Variants in LARP7 observed in about 807,000 individuals in gnomAD.
LARP7 encodes La ribonucleoprotein 7, transcriptional regulator.
In LARP7, 52 loss-of-function variants were observed where a neutral mutation model predicts 69.3. The ratio of observed to expected loss-of-function variants is 0.75; its 90% CI spans 0.60 to 0.95. The LOEUF (loss-of-function observed/expected upper bound fraction) is 0.95. Among genes scored for constraint, LARP7 ranks in the 40% least tolerant of loss-of-function variants. The pLI is 0.00. For missense variants in LARP7, 733 were observed against 673.0 expected (o/e 1.09, Z -0.99); for synonymous variants, 254 against 215.9 (o/e 1.18, Z -1.55).
At chr4:112,654,009 A>G in intron 11 of LARP7, 59 bp from the exon 12 acceptor site, 1 of 1,224,640 alleles carries the variant, frequency 8.2e-7, no homozygotes, top group Non-Finnish European at 1.2e-6. Context: ...AATGCCTTGA[A>G]TATGGTTTTT....
At chr4:112,648,851 CTTTT>C in intron 8 of LARP7, 2 of 148,950 alleles carry the variant, frequency 1.3e-5, no homozygotes, top group South Asian at 3.2e-4. Flanking sequence ...GGTCTGGATC[CTTTT>C]TTTTTTTTTT....
chr4:112,639,074 T>C (rs2047846778), intron 1 of LARP7, among the ~76,000 whole-genome samples: 1 of 152,154 alleles, frequency 6.6e-6, no homozygotes, highest in Non-Finnish European at 1.5e-5. Context: ...CACTTAAACC[T>C]TTTTGAGTTT....
At chr4:112,650,371 T>C (rs2048666718) in intron 9 of LARP7, 90 bp from the exon 10 acceptor site, 7 of 1,252,224 alleles carry the variant, frequency 5.6e-6, no homozygotes, top group Non-Finnish European at 7.8e-6. Flanking sequence ...TAAATCTGCC[T>C]CAGGAATTAT....
At chr4:112,644,366 T>G (rs2048081407) in intron 1 of LARP7, 1 of 522,158 alleles carries the variant, frequency 1.9e-6, no homozygotes, top group Admixed American at 4.5e-5. Context: ...CACTTTTCAC[T>G]TACTGACTTA....
At chr4:112,652,939 A>G in intron 10 of LARP7, 138 bp from the exon 11 acceptor site, 1 of 469,160 alleles carries the variant, frequency 2.1e-6, no homozygotes, top group East Asian at 3.5e-5. Context: ...GAAATATTTG[A>G]TACAGGATAT....
chr4:112,653,207 AAC>A lies in LARP7; in HGVS notation c.1550_1551del (p.His517LeufsTer10). On this transcript the variant is annotated frameshift_variant, in exon 11 of 13. Coordinates refer to ENST00000344442, the MANE Select transcript of LARP7 (RefSeq NM_016648.4). LOFTEE classifies it high-confidence loss of function. The stretch of plus-strand genomic sequence containing the variant: ...AATGCCTATACAGAAATTAACAAGA[AAC>A]ACTGCTGGAAACTCGAGATCCTTTC... 6.3e-7 allele frequency: 1 copy of A among 1,593,014 alleles called. No homozygotes were observed. Among genetic ancestry groups the A allele is most frequent in the Non-Finnish European group, 8.5e-7 (1 of 1,173,372 alleles).
Position 112,654,076 on chromosome 4 carries a change from G to C in LARP7, c.1585G>C (p.Glu529Gln). ...WKLEILSGDH[E>Q]QRYWQKILVD... ...CTTTGTTTGTTTTTAAGGTGATCAC[G>C]AACAAAGGTATTGGCAGAAGATTTT... The change falls in exon 12 of 13, where the codon GAA becomes CAA. Residue 529 changes from glutamate to glutamine, a missense_variant. By Grantham distance (29) the Glu-to-Gln change is conservative (BLOSUM62 2). Transcript: ENST00000344442. 6.2e-7 allele frequency: 1 copy of C among 1,612,526 alleles called. No homozygotes were observed. The highest frequency in any genetic ancestry group is 2.2e-5 in the East Asian group (1 of 44,794).
In LARP7 at chr4:112,647,466, C is replaced by G. The variant is rs1171760413; in HGVS notation, c.914C>G (p.Ser305Cys). Reference protein sequence around the residue: ...RKRSSSEDAESLAPRSKVKKI... With the variant: ...RKRSSSEDAECLAPRSKVKKI... Reference sequence around the variant, plus strand: ...AGAAGCAGCTCTGAAGATGCAGAATCCCTAGCTCCCCGATCAAAAGTAAAG... The same window carrying G: ...AGAAGCAGCTCTGAAGATGCAGAATGCCTAGCTCCCCGATCAAAAGTAAAG... Residue 305 changes from serine (S) to cysteine (C), a missense_variant, in exon 7 of 13, where the codon TCC becomes TGC. Coordinates refer to ENST00000344442, the MANE Select transcript of LARP7 (RefSeq NM_016648.4). 6.2e-7 allele frequency: 1 copy of G among 1,613,854 alleles called. No individual in the cohort carries two copies.
At chr4:112,650,675 C>A in intron 10 of LARP7, 93 bp downstream of exon 10, 1 of 1,322,654 alleles carries the variant, frequency 7.6e-7, no homozygotes, top group Non-Finnish European at 1.0e-6. Context: ...TAAAACAAAT[C>A]AAGTTAGAAT....
chr4:112,644,059 G>A lies in LARP7; in HGVS notation c.-2-609G>A, dbSNP rs371107697. 3.6e-4 allele frequency among the ~76,000 whole-genome samples: 54 copies of A among 151,754 alleles called. 1 individual carries two copies. The East Asian group carries it at 9.9e-3, about 28-fold the overall frequency. On this transcript the variant is annotated intron_variant, in intron 1 of 12. Transcript: ENST00000344442. Reference sequence around the variant, plus strand: ...AATTCAAGACAAACCTGGCAAACATGGTGAAACCCCGTCTCCTACTACAAA... The same window carrying A: ...AATTCAAGACAAACCTGGCAAACATAGTGAAACCCCGTCTCCTACTACAAA...
At chr4:112,650,168 A>C (rs2048653997) in intron 9 of LARP7, 1 of 228,172 alleles carries the variant, frequency 4.4e-6, no homozygotes, top group South Asian at 1.3e-4. Context: ...AACTTTATTG[A>C]GTAAAAATTT....
Position 112,647,476 on chromosome 4 carries a change from C to G in LARP7, c.924C>G (p.Pro308=), listed in dbSNP as rs1333988564. 6.2e-7 allele frequency: 1 copy of G among 1,613,396 alleles called. No individual in the cohort carries two copies. Among genetic ancestry groups the G allele is most frequent in the Non-Finnish European group, 8.5e-7 (1 of 1,179,786 alleles). Residue 308 remains proline, a synonymous_variant, in exon 7 of 13, where the codon CCC becomes CCG. Coordinates refer to ENST00000344442, the MANE Select transcript of LARP7 (RefSeq NM_016648.4). The stretch of plus-strand genomic sequence containing the variant: ...CTGAAGATGCAGAATCCCTAGCTCC[C>G]CGATCAAAAGTAAAGAAAATTATTC... ...SSSEDAESLA[P]RSKVKKIIQK...
chr4:112,640,082 G>A (rs2047902078), intron 1 of LARP7, among the ~76,000 whole-genome samples: 1 of 152,066 alleles, frequency 6.6e-6, no homozygotes, highest in South Asian at 2.1e-4. Flanking sequence ...GGCATTACAG[G>A]CATGGGCCAC....
rs569898184 is a variant in LARP7, at chr4:112,646,474, G to GT, written c.303+26dup. On this transcript the variant is annotated intron_variant, in intron 3 of 12. Transcript: ENST00000344442. ...GAGGTAAGAATCAAGAATAACTACT[G>GT]TTTATATTTATAGTTTATAATTATA... is the stretch of plus-strand genomic sequence containing the variant. 461 of 1,402,388 alleles carry GT rather than the reference G, an allele frequency of 3.3e-4. 1 individual carries two copies. In the East Asian group the frequency reaches 9.9e-3, roughly 30 times the overall value. The allele number at this position is 1,402,388 out of a possible 1,614,324, so 86.9% of individuals were successfully genotyped here.
chr4:112,637,777 G>T (rs943669181), intron 1 of LARP7: 4 of 152,236 alleles, frequency 2.6e-5, no homozygotes, highest in African/African-American at 9.7e-5. Context: ...GGTGGTGGAA[G>T]ATCTCAAAGA....
In LARP7 at chr4:112,646,835, AT is replaced by A; in HGVS notation, c.435del (p.Phe145LeufsTer10). On this transcript the variant is annotated frameshift_variant, in exon 5 of 13. Coordinates refer to ENST00000344442, the MANE Select transcript of LARP7 (RefSeq NM_016648.4). LOFTEE classifies it high-confidence loss of function. ...NVNHSWIERVFGKCGNVVYIS... is the reference protein window; with the variant it reads ...NVNHSWIERVXGKCGNVVYIS... ...TTAATCACAGCTGGATTGAAAGAGT[AT>A]TTGGGAAATGTGGCAATGTTGTTTA... is the stretch of plus-strand genomic sequence containing the variant. 2 of 1,606,210 alleles carry A rather than the reference AT, an allele frequency of 1.2e-6. No homozygotes were observed. The highest frequency in any genetic ancestry group is 1.7e-6 in the Non-Finnish European group (2 of 1,178,162).
Position 112,653,647 on chromosome 4 carries a change from C to T in LARP7, c.1576+411C>T, listed in dbSNP as rs1373982631. 5.9e-5 allele frequency among the ~76,000 whole-genome samples: 9 copies of T among 152,150 alleles called. No homozygotes were observed. In the East Asian group the frequency reaches 7.8e-4, roughly 13 times the overall value. ...ATTACAGGCATGTGCCACCATGCCC[C>T]GCTATTTTGCATTTTTAATAGAGAC... On this transcript the variant is annotated intron_variant, in intron 11 of 12. Transcript: ENST00000344442.
At chr4:112,641,093 A>G (rs1299455380) in intron 1 of LARP7, among the ~76,000 whole-genome samples, 1 of 148,204 alleles carries the variant, frequency 6.7e-6, no homozygotes, top group Non-Finnish European at 1.5e-5. Context: ...TTTGGACTTT[A>G]TTTTGAGTGT....
chr4:112,644,529 A>G, intron 1 of LARP7, 139 bp from the exon 2 acceptor site: 1 of 1,055,236 alleles, frequency 9.5e-7, no homozygotes, highest in Non-Finnish European at 1.3e-6. Flanking sequence ...TATAAAAATG[A>G]ATGTTCTTTC....
Sources: allele counts gnomAD v4.1 joint callset (sites outside exome capture counted in the v4.1 genomes callset), GRCh38; gene constraint gnomAD v4.1.1; transcripts MANE v1.5; gene names NCBI Gene and HGNC (gene_info 2026-07-23, HGNC 2026-07-21).